PRSS23: variants seen among roughly 807,000 people sequenced by gnomAD.
PRSS23 encodes protease, serine 23.
A neutral mutation model predicts 34.7 loss-of-function variants in PRSS23; 25 were observed. The observed-to-expected ratio is 0.72, with a 90% confidence interval of 0.53 to 1.01. The LOEUF (loss-of-function observed/expected upper bound fraction) is 1.01, where lower values mean the gene tolerates loss of function less well. PRSS23 is among the 50% of genes least tolerant of loss of function. PRSS23 has a pLI of 0.00. For missense variants in PRSS23, 445 were observed against 475.6 expected (o/e 0.94, Z 0.60); for synonymous variants, 176 against 186.6 (o/e 0.94, Z 0.46).
At chr11:86,841,465 C>A (rs147153166) in intron 2 of PRSS23, among the ~76,000 whole-genome samples, 5,931 of 150,952 alleles carry the variant, frequency 0.039, 171 homozygotes, top group Non-Finnish European at 0.056. Context: ...ATAAGAGACA[C>A]AAAAAACACT....
intron 2 of PRSS23, among the ~76,000 whole-genome samples, chr11:86,880,215 G>A (rs1345945781): frequency 6.6e-6 from 1 of 151,962 alleles, no homozygotes; most frequent in Admixed American, 6.6e-5. Context: ...GGCGGTGTAA[G>A]ATGTGCTTTG....
chr11:86,815,928 C>T (rs546683031), downstream of PRSS23, among the ~76,000 whole-genome samples: 22 of 152,256 alleles, frequency 1.4e-4, no homozygotes, highest in African/African-American at 4.3e-4. Flanking sequence ...CCTCCCAGCT[C>T]GCCCACACCT....
At chr11:86,867,390 C>A (rs1360426086) in intron 2 of PRSS23, among the ~76,000 whole-genome samples, 1 of 152,204 alleles carries the variant, frequency 6.6e-6, no homozygotes, top group Admixed American at 6.5e-5. Context: ...ACAACTGTCT[C>A]CTAGATCAAA....
chr11:86,890,563 G>T (rs1252502966), intron 2 of PRSS23, among the ~76,000 whole-genome samples: 1 of 152,222 alleles, frequency 6.6e-6, no homozygotes, highest in Non-Finnish European at 1.5e-5. Flanking sequence ...GAATTCGGGA[G>T]TGGCCAACCC....
chr11:86,927,714 G>A lies in PRSS23; in HGVS notation c.207-23502G>A, dbSNP rs76332208. Among the ~76,000 whole-genome samples, 20 of 152,102 alleles carry A rather than the reference G, an allele frequency of 1.3e-4. No individual in the cohort carries two copies. The East Asian group carries it at 3.1e-3, about 24-fold the overall frequency. On this transcript the variant is annotated intron_variant, in intron 2 of 2. Coordinates refer to the PRSS23 transcript ENST00000533902. ...TCTGAACTACCCTAGAAATATGAGCGGCAAAGACTAATAAAAAGAATACTA... is the reference window on the plus strand; with the variant it reads ...TCTGAACTACCCTAGAAATATGAGCAGCAAAGACTAATAAAAAGAATACTA...
At chr11:86,792,858 C>T (rs1394739751) in intron 1 of PRSS23, among the ~76,000 whole-genome samples, 5 of 152,116 alleles carry the variant, frequency 3.3e-5, no homozygotes, top group Admixed American at 1.3e-4. Flanking sequence ...GGTAAACTTA[C>T]GGATGACGTT....
rs59624601 is a variant in PRSS23, at chr11:86,928,707, T to TATATATATATATATATATATA, written c.207-22509_207-22508insATATATATATATATATATATA. 4.9e-3 allele frequency among the ~76,000 whole-genome samples: 323 copies of TATATATATATATATATATATA among 65,828 alleles called. 11 individuals are homozygous for TATATATATATATATATATATA. Among genetic ancestry groups the TATATATATATATATATATATA allele is most frequent in the African/African-American group, 9.9e-3 (181 of 18,306 alleles). The allele number at this position is 65,828 out of a possible 152,430, so 43.2% of individuals were successfully genotyped here. On this transcript the variant is annotated intron_variant, in intron 2 of 2. Coordinates refer to the PRSS23 transcript ENST00000533902. ...AAAAAAAAAAAAAAAAAAAAAAAAA[T>TATATATATATATATATATATA]TGGCAAGACATATACAGCATATAAT... is the stretch of plus-strand genomic sequence containing the variant.
chr11:86,801,308 A>C (rs749983146), intron 1 of PRSS23, among the ~76,000 whole-genome samples: 5 of 152,212 alleles, frequency 3.3e-5, no homozygotes, highest in Admixed American at 6.5e-5. Context: ...CTTTTAAATA[A>C]AAGTTTTAAA....
intron 2 of PRSS23, among the ~76,000 whole-genome samples, chr11:86,827,545 G>T (rs1196923216): frequency 6.6e-6 from 1 of 151,908 alleles, no homozygotes; most frequent in Non-Finnish European, 1.5e-5. Context: ...GCTTTTGAAT[G>T]TGTTTGCTCT....
intron 1 of PRSS23, among the ~76,000 whole-genome samples, chr11:86,819,331 C>T (rs1346714936): frequency 6.6e-6 from 1 of 152,090 alleles, no homozygotes. Flanking sequence ...GTGCAAGATG[C>T]ATTATTAATT....
At chr11:86,932,133 T>C (rs920947218) in intron 2 of PRSS23, among the ~76,000 whole-genome samples, 7 of 152,090 alleles carry the variant, frequency 4.6e-5, no homozygotes, top group African/African-American at 7.2e-5. Flanking sequence ...TGATTAATCA[T>C]GATCATGTGG....
At chr11:86,879,690 C>A (rs1334415613) in intron 2 of PRSS23, among the ~76,000 whole-genome samples, 5 of 136,638 alleles carry the variant, frequency 3.7e-5, no homozygotes, top group Admixed American at 7.2e-5. Flanking sequence ...GTCAGCCCCC[C>A]ACCCGGCCAG....
intron 2 of PRSS23, chr11:86,911,700 G>T (rs1454269700): frequency 6.6e-6 from 1 of 152,118 alleles, no homozygotes; most frequent in Admixed American, 6.5e-5. Flanking sequence ...AGTTTTAAAA[G>T]TATTGTCATA....
intron 2 of PRSS23, among the ~76,000 whole-genome samples, chr11:86,847,507 G>C (rs1948496600): frequency 6.6e-6 from 1 of 152,152 alleles, no homozygotes; most frequent in Non-Finnish European, 1.5e-5. Flanking sequence ...TGAGCTTTCA[G>C]CACAATTAGT....
chr11:86,821,349 A>G lies in PRSS23; in HGVS notation c.-11-2028A>G, dbSNP rs1161742939. ...GAAAATATTCTGTAACTCCTAAGGT[A>G]TAGTGATCCTAGTTTTGCTACGGAT... On this transcript the variant is annotated intron_variant, in intron 1 of 2. Coordinates refer to the PRSS23 transcript ENST00000533902. 4 of 803,868 alleles carry G rather than the reference A, an allele frequency of 5.0e-6. No individual in the cohort carries two copies. In the African/African-American group the frequency reaches 5.1e-5, roughly 10 times the overall value. 49.8% of individuals were successfully genotyped at this position (803,868 alleles called of 1,614,324 possible).
chr11:86,791,155 C>CTG (rs1301458327), exon 1 of PRSS23: 1 of 152,354 alleles, frequency 6.6e-6, no homozygotes, highest in African/African-American at 2.4e-5. Flanking sequence ...TGGAGGGTAC[C>CTG]TGTGTGGCTT....
chr11:86,828,154 C>T (rs1257441562), intron 2 of PRSS23, among the ~76,000 whole-genome samples: 1 of 152,216 alleles, frequency 6.6e-6, no homozygotes, highest in African/African-American at 2.4e-5. Context: ...TCACTCAGGA[C>T]TTGCTTTATG....
chr11:86,950,607 A>G lies in PRSS23; in HGVS notation c.207-609A>G, dbSNP rs75557858. 380 of 178,826 alleles carry G rather than the reference A, an allele frequency of 2.1e-3. 4 individuals are homozygous for G. Among genetic ancestry groups the G allele is most frequent in the African/African-American group, 8.6e-3 (363 of 42,094 alleles). The allele number at this position is 178,826 out of a possible 1,614,324, so 11.1% of individuals were successfully genotyped here. A position where few individuals can be genotyped will look rare whatever the true frequency, so the allele number is the denominator to read the frequency against. On this transcript the variant is annotated intron_variant, in intron 2 of 2. Coordinates refer to the PRSS23 transcript ENST00000533902. ...CAGTCCACAAAGTTCTAAACAGCAG[A>G]CAGCGCACCACAGAAGATGTTTATG...
At position 86,808,226 on chromosome 11, in the gene PRSS23, C is replaced by G; in HGVS notation, c.583C>G (p.Leu195Val). 1 of 1,614,142 alleles carries G rather than the reference C, an allele frequency of 6.2e-7. No individual in the cohort carries two copies. The highest frequency in any genetic ancestry group is 8.5e-7 in the Non-Finnish European group (1 of 1,180,018). ...KGTQKLRVGF[L>V]KPKFKDGGRG... is the part of the protein sequence containing the mutation. ...AACCCAGAAGCTTCGAGTGGGCTTC[C>G]TAAAGCCCAAGTTTAAAGATGGTGG... Residue 195 changes from leucine to valine, a missense_variant, in exon 2 of 2, where the codon CTA (leucine) becomes GTA (valine). By Grantham distance (32) the Leu-to-Val change is conservative. Transcript: ENST00000280258.
Sources: allele counts gnomAD v4.1 joint callset (sites outside exome capture counted in the v4.1 genomes callset), GRCh38; gene constraint gnomAD v4.1.1; transcripts MANE v1.5; gene names NCBI Gene and HGNC (gene_info 2026-07-23, HGNC 2026-07-21).